Variants in ITGA11 observed in about 807,000 individuals in gnomAD.
ITGA11 encodes the protein integrin alpha-11.
A neutral mutation model predicts 141.9 loss-of-function variants in ITGA11; 97 were observed. The observed-to-expected ratio is 0.68, with a 90% CI of 0.58 to 0.81. The LOEUF is 0.81. ITGA11 is among the 30% of genes least tolerant of loss of function. The probability of loss-of-function intolerance (pLI) is 0.00; values close to 1 mark genes in which losing one functional copy is unlikely to be tolerated. For synonymous variants in ITGA11, 658 were observed against 624.6 expected (o/e 1.05, Z -0.80); for missense variants, 1,387 against 1,559.2 (o/e 0.89, Z 1.86).
chr15:68,390,352 G>A (rs1896087810), intron 2 of ITGA11, among the ~76,000 whole-genome samples: 1 of 152,158 alleles, frequency 6.6e-6, no homozygotes, highest in African/African-American at 2.4e-5. Flanking sequence ...TATCTCACTG[G>A]TGCCTGAGGT....
rs989094070 is a variant in ITGA11, at chr15:68,349,142, C to G, written c.1061-242G>C. On this transcript the variant is annotated intron_variant, in intron 9 of 29. Transcript: ENST00000315757. ...TGCCCATGTGGGTTGTTACTGGTAG[C>G]CCACTTACTTCTGAAAAGGGCTCGG... 3.5e-4 allele frequency among the ~76,000 whole-genome samples: 53 copies of G among 152,318 alleles called. 1 individual carries two copies. The highest frequency in any genetic ancestry group is 3.1e-3 in the Admixed American group (47 of 15,306).
At chr15:68,378,669 A>T (rs1410477811) in intron 2 of ITGA11, among the ~76,000 whole-genome samples, 1 of 152,086 alleles carries the variant, frequency 6.6e-6, no homozygotes, top group Non-Finnish European at 1.5e-5. Context: ...ATAAATTTCT[A>T]TTGCATATCT....
At chr15:68,410,590 T>C (rs970418635) in intron 1 of ITGA11, among the ~76,000 whole-genome samples, 48 of 152,252 alleles carry the variant, frequency 3.2e-4, no homozygotes, top group African/African-American at 1.1e-3. Context: ...GCTGGCTGTT[T>C]CGTATCCTCT....
At chr15:68,363,002 T>A (rs565888790) in intron 4 of ITGA11, among the ~76,000 whole-genome samples, 1 of 149,328 alleles carries the variant, frequency 6.7e-6, no homozygotes. Context: ...TGATGGATGG[T>A]TGATGGATGG....
At chr15:68,339,363 C>A in intron 11 of ITGA11, 137 bp downstream of exon 11, 1 of 985,936 alleles carries the variant, frequency 1.0e-6, no homozygotes, top group Non-Finnish European at 1.5e-6. Context: ...CGGGGATGCT[C>A]TTCAGAGTTG....
Position 68,335,795 on chromosome 15 carries a change from C to G in ITGA11, c.1327G>C (p.Ala443Pro). The change falls in exon 12 of 30, where the codon GCC becomes CCC. Residue 443 changes from alanine (A) to proline (P), a missense_variant. Transcript: ENST00000315757. The surrounding 1 kb of genome is among the most constrained non-coding windows in gnomAD (Gnocchi z 4.9). ...GTGTGGTTGAACCGGGGGGCTCCGG[C>G]CACGTACACCCGCCCCTGCCTGGAG... ...VSSRQGRVYV[A>P]GAPRFNHTGK... 6.2e-7 allele frequency: 1 copy of G among 1,613,384 alleles called. No individual in the cohort carries two copies. The highest frequency in any genetic ancestry group is 8.5e-7 in the Non-Finnish European group (1 of 1,179,628).
chr15:68,391,668 G>C (rs775735713), intron 2 of ITGA11, among the ~76,000 whole-genome samples: 1 of 152,178 alleles, frequency 6.6e-6, no homozygotes, highest in African/African-American at 2.4e-5. Flanking sequence ...CTAGGAAAAG[G>C]ATTCAGAAAG....
chr15:68,320,516 A>T (rs1003118492), intron 19 of ITGA11, 124 bp from the exon 20 acceptor site: 11 of 681,108 alleles, frequency 1.6e-5, no homozygotes, highest in Non-Finnish European at 2.5e-5. Flanking sequence ...TCATGGGAAT[A>T]GCCACTGGGA....
chr15:68,332,197 C>G, intron 13 of ITGA11, 135 bp from the exon 14 acceptor site: 1 of 1,252,538 alleles, frequency 8.0e-7, no homozygotes, highest in South Asian at 1.4e-5. Context: ...TATATGAACC[C>G]AGCCACAGAG....
chr15:68,384,071 G>A (rs936318491), intron 2 of ITGA11, among the ~76,000 whole-genome samples: 8 of 151,888 alleles, frequency 5.3e-5, no homozygotes, highest in Non-Finnish European at 1.2e-4. Context: ...AGCATGCAAT[G>A]GCTGAACTCC....
intron 1 of ITGA11, among the ~76,000 whole-genome samples, chr15:68,420,129 A>G (rs1316001026): frequency 1.3e-5 from 2 of 152,160 alleles, no homozygotes; most frequent in African/African-American, 4.8e-5. Context: ...GGGCACTCCC[A>G]GCTCCTTCTT....
intron 21 of ITGA11, 25 bp downstream of exon 21, chr15:68,317,240 C>A: frequency 1.1e-5 from 17 of 1,482,776 alleles, no homozygotes; most frequent in Non-Finnish European, 1.5e-5. Context: ...CCCTGACCCT[C>A]CCCCACATTG....
intron 1 of ITGA11, among the ~76,000 whole-genome samples, chr15:68,409,568 G>GT (rs1461208877): frequency 1.3e-5 from 2 of 151,550 alleles, no homozygotes; most frequent in African/African-American, 2.4e-5. Flanking sequence ...CTACCTATCA[G>GT]TACTACCTGA....
At chr15:68,417,643 A>G (rs1896918609) in intron 1 of ITGA11, among the ~76,000 whole-genome samples, 1 of 151,836 alleles carries the variant, frequency 6.6e-6, no homozygotes, top group African/African-American at 2.4e-5. Flanking sequence ...AGGGCCCACC[A>G]GGCCCTGCGG....
At chr15:68,312,286 C>T (rs1295941412) in intron 24 of ITGA11, among the ~76,000 whole-genome samples, 1 of 152,140 alleles carries the variant, frequency 6.6e-6, no homozygotes, top group African/African-American at 2.4e-5. Context: ...AGGGAGGTCC[C>T]TTAATAAGGA....
intron 28 of ITGA11, among the ~76,000 whole-genome samples, chr15:68,306,082 C>T (rs990576953): frequency 2.0e-5 from 3 of 150,786 alleles, no homozygotes; most frequent in East Asian, 3.9e-4. Flanking sequence ...ACCTGCTACC[C>T]GGGAGGCTGA....
rs138283584 is a variant in ITGA11 at position 68,403,459 on chromosome 15, C to G, written c.53-430G>C. On this transcript the variant is annotated intron_variant, in intron 1 of 29. Transcript: ENST00000315757. The stretch of plus-strand genomic sequence containing the variant: ...GGTGTTTAAGAGTGTGGGGCCTCCC[C>G]CCTCTCTTTCTTGCTCCCACTCTTG... Among the ~76,000 whole-genome samples, 715 of 152,132 alleles carry G rather than the reference C, an allele frequency of 4.7e-3. 4 individuals are homozygous for G. Among genetic ancestry groups the G allele is most frequent in the African/African-American group, 0.017 (685 of 41,476 alleles).
rs903311852 is a variant in ITGA11 at position 68,320,262 on chromosome 15, T to C, written c.2539A>G (p.Arg847Gly). Residue 847 changes from arginine to glycine, a missense_variant, in exon 20 of 30, where the codon AGG (arginine) becomes GGG (glycine). Arg to Gly is a moderately radical substitution (Grantham distance 125). Transcript: ENST00000315757. ...RVAVEATLEN[R>G]GENAYSTVLN... ...ACCGTGCTGTAGGCGTTCTCGCCCC[T>C]GTTCTCCAGTGTGGCCTCCACCGCC... The C allele has an allele frequency of 1.9e-6, 3 of 1,614,038 alleles. No individual in the cohort carries two copies. Among genetic ancestry groups the C allele is most frequent in the Non-Finnish European group, 1.7e-6 (2 of 1,179,892 alleles).
At chr15:68,329,153 C>A (rs1028805143) in intron 15 of ITGA11, among the ~76,000 whole-genome samples, 1 of 152,210 alleles carries the variant, frequency 6.6e-6, no homozygotes, top group Non-Finnish European at 1.5e-5. Context: ...CTTGGCTCCA[C>A]GGGCTCCTCA....
Sources: allele counts gnomAD v4.1 joint callset (sites outside exome capture counted in the v4.1 genomes callset), GRCh38; gene constraint gnomAD v4.1.1; non-coding constraint Gnocchi (gnomAD v3.1); transcripts MANE v1.5; gene names NCBI Gene and HGNC (gene_info 2026-07-23, HGNC 2026-07-21).